PTPRR: variants seen among roughly 807,000 people sequenced by gnomAD.
The protein encoded by PTPRR is receptor-type tyrosine-protein phosphatase R.
In PTPRR, 38 loss-of-function variants were observed where a neutral mutation model predicts 77.2. The observed-to-expected ratio is 0.49, with a 90% CI of 0.38 to 0.65. PTPRR has a LOEUF of 0.65. PTPRR is among the 30% of genes least tolerant of loss of function. The probability of loss-of-function intolerance (pLI) is 0.00; values close to 1 mark genes in which losing one functional copy is unlikely to be tolerated. For synonymous variants in PTPRR, 299 were observed against 283.1 expected (o/e 1.06, Z -0.57); for missense variants, 744 against 799.2 (o/e 0.93, Z 0.83).
In PTPRR at chr12:70,747,036, G is replaced by A. The variant is rs575770542; in HGVS notation, c.739-950C>T. ...CATGAATGAGAAAGAAAAGATGTCTGATATTAAGTAAAAGGTCTTCTTACC... is the reference window on the plus strand; with the variant it reads ...CATGAATGAGAAAGAAAAGATGTCTAATATTAAGTAAAAGGTCTTCTTACC... On this transcript the variant is annotated intron_variant, in intron 5 of 13. Coordinates refer to ENST00000283228, the MANE Select transcript of PTPRR (RefSeq NM_002849.4). Among the ~76,000 whole-genome samples, 9 of 152,238 alleles carry A rather than the reference G, an allele frequency of 5.9e-5. No individual in the cohort carries two copies. In the South Asian group the frequency reaches 6.2e-4, roughly 11 times the overall value.
intron 1 of PTPRR, among the ~76,000 whole-genome samples, chr12:70,909,935 G>T (rs1466505764): frequency 6.6e-6 from 1 of 152,074 alleles, no homozygotes; most frequent in Non-Finnish European, 1.5e-5. Flanking sequence ...ACATGAACTT[G>T]CTAATTATGA....
chr12:70,763,199 G>A (rs907244739), intron 3 of PTPRR, among the ~76,000 whole-genome samples: 2 of 151,682 alleles, frequency 1.3e-5, no homozygotes, highest in African/African-American at 4.8e-5. Context: ...AGTGATCTCT[G>A]CTCACTGCAA....
intron 2 of PTPRR, among the ~76,000 whole-genome samples, chr12:70,849,767 C>A (rs73332128): frequency 0.073 from 11,160 of 152,040 alleles, 630 homozygotes; most frequent in African/African-American, 0.17. Flanking sequence ...TTAATAAATG[C>A]CTTTTTAGTC....
rs562388720 is a variant in PTPRR, at chr12:70,698,561, A to G, written c.1195-212T>C. On this transcript the variant is annotated intron_variant, in intron 7 of 13. Transcript: ENST00000283228. ...TCTAAGAAACAGCTCTGTGTGTTAG[A>G]AAATATTGCTTAATATGTAGTCAGT... 1.1e-3 allele frequency among the ~76,000 whole-genome samples: 167 copies of G among 152,314 alleles called. 1 individual carries two copies. Among genetic ancestry groups the G allele is most frequent in the African/African-American group, 3.9e-3 (162 of 41,572 alleles).
intron 5 of PTPRR, among the ~76,000 whole-genome samples, chr12:70,748,231 T>A (rs753663592): frequency 6.6e-6 from 1 of 152,210 alleles, no homozygotes; most frequent in Non-Finnish European, 1.5e-5. Context: ...TATGGAGGTT[T>A]GGAAAGAAAA....
chr12:70,880,550 C>CA (rs1893131604), intron 2 of PTPRR, among the ~76,000 whole-genome samples: 1 of 152,042 alleles, frequency 6.6e-6, no homozygotes, highest in African/African-American at 2.4e-5. Flanking sequence ...TTATCATGTT[C>CA]ATTTGTTTAC....
At chr12:70,661,304 T>C (rs1299705492) in intron 11 of PTPRR, 3 of 652,916 alleles carry the variant, frequency 4.6e-6, no homozygotes, top group Admixed American at 2.2e-5. Flanking sequence ...GAGAAAGTCA[T>C]ACCTTTGTTG....
chr12:70,878,239 A>T (rs2137100426), intron 2 of PTPRR, among the ~76,000 whole-genome samples: 1 of 152,332 alleles, frequency 6.6e-6, no homozygotes, highest in Middle Eastern at 3.4e-3. Flanking sequence ...CAAAAGCCAA[A>T]ATTGACAAAT....
intron 2 of PTPRR, among the ~76,000 whole-genome samples, chr12:70,887,159 T>G (rs1893253469): frequency 6.6e-6 from 1 of 152,262 alleles, no homozygotes; most frequent in South Asian, 2.1e-4. Context: ...TGTTAAAAAT[T>G]TAAGTAGGGG....
intron 10 of PTPRR, among the ~76,000 whole-genome samples, chr12:70,680,331 T>C (rs1450741885): frequency 6.6e-6 from 1 of 152,176 alleles, no homozygotes; most frequent in Non-Finnish European, 1.5e-5. Flanking sequence ...CCTGTATTGA[T>C]ATTTGTGCAT....
At chr12:70,715,016 C>T (rs541210864) in intron 6 of PTPRR, among the ~76,000 whole-genome samples, 1 of 139,848 alleles carries the variant, frequency 7.2e-6, no homozygotes, top group Admixed American at 7.5e-5. Flanking sequence ...ATTGAGTATG[C>T]CAAAATAATT....
At chr12:70,640,142 A>G (rs547543123) in intron 13 of PTPRR, among the ~76,000 whole-genome samples, 3 of 152,246 alleles carry the variant, frequency 2.0e-5, no homozygotes, top group South Asian at 4.1e-4. Flanking sequence ...TAATACCTAT[A>G]TCACATTTTC....
chr12:70,828,676 T>A (rs1247520590), intron 2 of PTPRR, among the ~76,000 whole-genome samples: 2 of 152,214 alleles, frequency 1.3e-5, no homozygotes, highest in Non-Finnish European at 2.9e-5. Flanking sequence ...TCGATTCTTA[T>A]TAGCTAGAAG....
chr12:70,724,128 C>T (rs1330826109), intron 6 of PTPRR, among the ~76,000 whole-genome samples: 1 of 152,126 alleles, frequency 6.6e-6, no homozygotes, highest in East Asian at 1.9e-4. Context: ...ACTTCATATC[C>T]TTTCATTCTA....
At chr12:70,839,459 T>C (rs1892359451) in intron 2 of PTPRR, among the ~76,000 whole-genome samples, 1 of 152,202 alleles carries the variant, frequency 6.6e-6, no homozygotes, top group East Asian at 1.9e-4. Flanking sequence ...TTTTCTTCTG[T>C]AGTTGCAGCA....
At chr12:70,780,518 G>A (rs755541330) in intron 2 of PTPRR, among the ~76,000 whole-genome samples, 3 of 151,892 alleles carry the variant, frequency 2.0e-5, no homozygotes, top group African/African-American at 4.8e-5. Context: ...ATCCCATCAC[G>A]CTGGGATAAG....
intron 13 of PTPRR, among the ~76,000 whole-genome samples, chr12:70,644,192 T>C (rs932328795): frequency 6.6e-6 from 1 of 152,260 alleles, no homozygotes; most frequent in African/African-American, 2.4e-5. Context: ...TGTTTCCCAA[T>C]GTATGACTGG....
At chr12:70,883,975 A>G (rs182530720) in intron 2 of PTPRR, among the ~76,000 whole-genome samples, 21 of 152,290 alleles carry the variant, frequency 1.4e-4, no homozygotes, top group East Asian at 1.4e-3. Flanking sequence ...CCACTCAAAC[A>G]GTGTTAACAG....
At chr12:70,750,904 C>T (rs114778583) in intron 5 of PTPRR, among the ~76,000 whole-genome samples, 5,470 of 139,146 alleles carry the variant, frequency 0.039, 366 homozygotes, top group African/African-American at 0.13. Context: ...ATTTTTTAAA[C>T]CCTTTTTTTT....
Sources: gnomAD v4.1 joint callset for allele counts (sites outside exome capture counted in the v4.1 genomes callset) on GRCh38, gnomAD v4.1.1 for gene constraint, MANE v1.5 for transcripts, NCBI Gene and HGNC (gene_info 2026-07-23, HGNC 2026-07-21) for gene names.